Variants in LRRC7 observed in about 807,000 individuals in gnomAD.
The protein encoded by LRRC7 is leucine-rich repeat-containing protein 7.
In LRRC7, 23 loss-of-function variants were observed where a neutral mutation model predicts 175.7. The ratio of observed to expected loss-of-function variants is 0.13; its 90% CI spans 0.09 to 0.19. The LOEUF (loss-of-function observed/expected upper bound fraction) is 0.19, where lower values mean the gene tolerates loss of function less well. Ranked by LOEUF, LRRC7 falls within the 10% of genes least tolerant of loss-of-function variation. LRRC7 has a pLI of 1.00. For missense variants in LRRC7, 1,354 were observed against 1,904.7 expected, an observed-to-expected ratio of 0.71 and a Z score of 5.38; for synonymous variants, 685 against 680.9, an observed-to-expected ratio of 1.01 and a Z score of -0.09.
intron 7 of LRRC7, among the ~76,000 whole-genome samples, chr1:69,930,367 A>T (rs952517633): frequency 1.3e-5 from 2 of 152,186 alleles, no homozygotes; most frequent in African/African-American, 4.8e-5. Flanking sequence ...AAAGCCCTAT[A>T]AGGTAATTTC....
intron 7 of LRRC7, among the ~76,000 whole-genome samples, chr1:69,922,215 C>T (rs546339670): frequency 1.9e-3 from 291 of 152,258 alleles, no homozygotes; most frequent in African/African-American, 6.7e-3. Context: ...CATGAGCCAC[C>T]GTGCCCGGCA....
intron 2 of LRRC7, among the ~76,000 whole-genome samples, chr1:69,722,857 A>G (rs1326110693): frequency 1.3e-5 from 2 of 152,088 alleles, no homozygotes; most frequent in Non-Finnish European, 2.9e-5. Context: ...TATATGGTAT[A>G]CACCATACTG....
rs1031458760 is a variant in LRRC7, at chr1:70,140,596, T to G, written c.*18709T>G. ...TTTTAGCCTTCTGCACAAGACAAAA[T>G]CCTTCTGGTGATCCTCAGGCAAGTA... On this transcript the variant is annotated 3_prime_UTR_variant, in exon 27 of 27. Transcript: ENST00000651989. The G allele has an allele frequency of 2.6e-5, 4 of 152,114 alleles. No homozygotes were observed. Among genetic ancestry groups the G allele is most frequent in the African/African-American group, 9.7e-5 (4 of 41,426 alleles). 9.4% of individuals were successfully genotyped at this position (152,114 alleles called of 1,614,324 possible).
intron 1 of LRRC7, among the ~76,000 whole-genome samples, chr1:69,633,898 T>G (rs1652912595): frequency 6.6e-6 from 1 of 152,140 alleles, no homozygotes; most frequent in South Asian, 2.1e-4. Flanking sequence ...TCTTCTTGTT[T>G]GCTGATATAT....
At chr1:69,662,529 T>C (rs1246300981) in intron 1 of LRRC7, among the ~76,000 whole-genome samples, 1 of 152,228 alleles carries the variant, frequency 6.6e-6, no homozygotes, top group Non-Finnish European at 1.5e-5. Context: ...TGAGGAATTT[T>C]GTTTAGTTTC....
At chr1:69,849,521 GAT>G (rs1226885627) in intron 7 of LRRC7, among the ~76,000 whole-genome samples, 3 of 151,806 alleles carry the variant, frequency 2.0e-5, no homozygotes, top group East Asian at 3.9e-4. Flanking sequence ...CATCTATATG[GAT>G]ATACATTGTA....
intron 11 of LRRC7, among the ~76,000 whole-genome samples, chr1:70,009,627 T>G (rs1656316026): frequency 6.6e-6 from 1 of 152,332 alleles, no homozygotes; most frequent in Non-Finnish European, 1.5e-5. Flanking sequence ...AGCCACTGCA[T>G]GAGGCAGGCA....
chr1:69,601,636 A>C (rs1647077224), intron 1 of LRRC7, among the ~76,000 whole-genome samples: 1 of 152,196 alleles, frequency 6.6e-6, no homozygotes, highest in Non-Finnish European at 1.5e-5. Flanking sequence ...TTTTTAATTT[A>C]ACAATTTAAT....
rs1417938520 is a variant in LRRC7, at chr1:70,129,737, G to A, written c.*7850G>A. ...TGGGTGGAGAACATTTTCACTACAC[G>A]CTGCTCAAGTGATCCCCTGAAAATA... On this transcript the variant is annotated 3_prime_UTR_variant, in exon 27 of 27. Coordinates refer to ENST00000651989, the MANE Select transcript of LRRC7 (RefSeq NM_001370785.2). Among the ~76,000 whole-genome samples, 2 of 152,102 alleles carry A rather than the reference G, an allele frequency of 1.3e-5. No homozygotes were observed. The highest frequency in any genetic ancestry group is 2.9e-5 in the Non-Finnish European group (2 of 68,008).
At chr1:69,976,728 C>T (rs748257887) in intron 8 of LRRC7, among the ~76,000 whole-genome samples, 8 of 152,134 alleles carry the variant, frequency 5.3e-5, no homozygotes, top group South Asian at 2.1e-4. Context: ...CACTTCTGGA[C>T]GCCATTCCTT....
At chr1:69,719,300 A>G (rs1666096743) in intron 2 of LRRC7, among the ~76,000 whole-genome samples, 1 of 151,766 alleles carries the variant, frequency 6.6e-6, no homozygotes, top group Non-Finnish European at 1.5e-5. Flanking sequence ...CTCATAAGTA[A>G]TTATTCAATG....
At chr1:69,931,659 ATTGCACGT>A (rs1271811695) in intron 8 of LRRC7, 89 bp downstream of exon 8, 5 of 1,029,554 alleles carry the variant, frequency 4.9e-6, no homozygotes, top group Non-Finnish European at 7.4e-6. Flanking sequence ...TATTAACTTG[ATTGCACGT>A]TTGCATTTGC....
At chr1:69,743,843 G>C (rs72941436) in intron 2 of LRRC7, among the ~76,000 whole-genome samples, 3,303 of 151,844 alleles carry the variant, frequency 0.022, 120 homozygotes, top group African/African-American at 0.076. Flanking sequence ...AGTTTTATGA[G>C]ACTTACTTGA....
chr1:69,998,048 A>G (rs954651179), intron 11 of LRRC7, among the ~76,000 whole-genome samples: 2 of 152,228 alleles, frequency 1.3e-5, no homozygotes, highest in South Asian at 2.1e-4. Flanking sequence ...TTTTTGGTTG[A>G]TAAGCTATTG....
chr1:70,003,708 C>A (rs140844503), intron 11 of LRRC7, among the ~76,000 whole-genome samples: 1 of 152,240 alleles, frequency 6.6e-6, no homozygotes, highest in African/African-American at 2.4e-5. Flanking sequence ...CCTTCCCCAG[C>A]ATTTCAGAAT....
chr1:70,049,481 A>G (rs1660587363), intron 22 of LRRC7, among the ~76,000 whole-genome samples: 1 of 151,548 alleles, frequency 6.6e-6, no homozygotes. Flanking sequence ...CATGCCTATA[A>G]TTTCTATTGA....
intron 7 of LRRC7, among the ~76,000 whole-genome samples, chr1:69,929,608 A>G (rs1461809896): frequency 2.0e-5 from 3 of 152,200 alleles, no homozygotes; most frequent in Non-Finnish European, 2.9e-5. Context: ...TATAATAAGA[A>G]AGAAGTAAAA....
intron 7 of LRRC7, chr1:69,874,107 T>C (rs1570445459): frequency 6.6e-6 from 1 of 152,134 alleles, no homozygotes; most frequent in Non-Finnish European, 1.5e-5. Context: ...ATGCTGATGA[T>C]TGATTGATTT....
chr1:70,141,791 T>C lies in LRRC7; in HGVS notation c.*19904T>C, dbSNP rs1417421578. 1 of 152,138 alleles carries C rather than the reference T, an allele frequency of 6.6e-6. No individual in the cohort carries two copies. Among genetic ancestry groups the C allele is most frequent in the African/African-American group, 2.4e-5 (1 of 41,442 alleles). 9.4% of individuals were successfully genotyped at this position (152,138 alleles called of 1,614,324 possible). On this transcript the variant is annotated 3_prime_UTR_variant, in exon 27 of 27. Coordinates refer to ENST00000651989, the MANE Select transcript of LRRC7 (RefSeq NM_001370785.2). ...GAAAAGGTTTCTTATATTGAAAACT[T>C]TTATGGTGACTCAGGTTTTGTGTCT...
Sources: gnomAD v4.1 joint callset for allele counts (sites outside exome capture counted in the v4.1 genomes callset) on GRCh38, gnomAD v4.1.1 for gene constraint, MANE v1.5 for transcripts, NCBI Gene and HGNC (gene_info 2026-07-23, HGNC 2026-07-21) for gene names.